The following BASP1 variants were observed in gnomAD, a reference collection of about 807,000 sequenced individuals.
BASP1 encodes the protein brain abundant membrane attached signal protein 1.
Under a neutral mutation model 2.2 loss-of-function variants are expected in BASP1, and 1 was observed. That is an observed-to-expected ratio of 0.46 (90% CI 0.16 to 2.17). The LOEUF (loss-of-function observed/expected upper bound fraction) is 2.17, where lower values mean the gene tolerates loss of function less well. Among genes scored for constraint, BASP1 ranks in the 30% most tolerant of loss-of-function variants. The pLI is 0.27. For synonymous variants in BASP1, 187 were observed against 154.2 expected, an observed-to-expected ratio of 1.21 and a Z score of -1.58; for missense variants, 352 against 327.2, an observed-to-expected ratio of 1.08 and a Z score of -0.58.
intron 1 of BASP1, among the ~76,000 whole-genome samples, chr5:17,246,403 G>A (rs1489972888): frequency 2.6e-5 from 4 of 152,046 alleles, no homozygotes; most frequent in East Asian, 3.9e-4. Context: ...CAGGAGAATC[G>A]CTTGAACCTG....
At chr5:17,252,092 G>A (rs775090513) in intron 1 of BASP1, among the ~76,000 whole-genome samples, 1 of 152,208 alleles carries the variant, frequency 6.6e-6, no homozygotes, top group Non-Finnish European at 1.5e-5. Context: ...GAGGGCAGAG[G>A]AGAGGAGCTT....
intron 1 of BASP1, among the ~76,000 whole-genome samples, chr5:17,250,771 A>AT (rs1368349181): frequency 6.6e-6 from 1 of 151,982 alleles, no homozygotes; most frequent in Non-Finnish European, 1.5e-5. Flanking sequence ...TGCCCGGCTA[A>AT]TTTGTTGTAT....
chr5:17,234,393 T>A (rs113992264), intron 1 of BASP1, among the ~76,000 whole-genome samples: 3 of 151,936 alleles, frequency 2.0e-5, no homozygotes, highest in African/African-American at 4.8e-5. Flanking sequence ...AAAAAAAAAA[T>A]TATATAGTTA....
intron 1 of BASP1, among the ~76,000 whole-genome samples, chr5:17,238,663 C>T (rs983332689): frequency 1.1e-4 from 17 of 152,278 alleles, no homozygotes; most frequent in Middle Eastern, 3.4e-3. Context: ...CCATCTCTTC[C>T]CTAGTTTGTC....
intron 1 of BASP1, among the ~76,000 whole-genome samples, chr5:17,268,123 T>G (rs1224568972): frequency 6.6e-6 from 1 of 152,104 alleles, no homozygotes; most frequent in Non-Finnish European, 1.5e-5. Flanking sequence ...TTTTACTGAT[T>G]AGGAAATTTG....
At chr5:17,269,018 CTTTATT>C (rs1740480712) in intron 1 of BASP1, among the ~76,000 whole-genome samples, 2 of 152,132 alleles carry the variant, frequency 1.3e-5, no homozygotes, top group Non-Finnish European at 2.9e-5. Flanking sequence ...TATGTTCATT[CTTTATT>C]TTTATTTATT....
intron 1 of BASP1, among the ~76,000 whole-genome samples, chr5:17,229,683 G>C (rs567115856): frequency 6.6e-6 from 1 of 152,200 alleles, no homozygotes; most frequent in Admixed American, 6.5e-5. Context: ...TGTCTACTCA[G>C]GCTGCCATAA....
chr5:17,231,157 A>G (rs1269731412), intron 1 of BASP1, among the ~76,000 whole-genome samples: 1 of 152,226 alleles, frequency 6.6e-6, no homozygotes, highest in Admixed American at 6.5e-5. Context: ...AGAATTTAAA[A>G]ATTTTAACTC....
At chr5:17,258,486 G>A (rs1415704015) in intron 1 of BASP1, among the ~76,000 whole-genome samples, 1 of 152,062 alleles carries the variant, frequency 6.6e-6, no homozygotes, top group African/African-American at 2.4e-5. Flanking sequence ...AATTATCTTG[G>A]GAAAGAGATA....
intron 1 of BASP1, among the ~76,000 whole-genome samples, chr5:17,237,041 A>G (rs1739761564): frequency 6.6e-6 from 1 of 152,084 alleles, no homozygotes. Context: ...TGATGGAGGT[A>G]TTGTAAAGAA....
intron 1 of BASP1, among the ~76,000 whole-genome samples, chr5:17,231,865 T>A (rs1739638555): frequency 6.6e-6 from 1 of 152,188 alleles, no homozygotes; most frequent in Non-Finnish European, 1.5e-5. Context: ...GCACCCCATG[T>A]CTGTTCAGTG....
intron 1 of BASP1, among the ~76,000 whole-genome samples, chr5:17,243,450 G>C (rs569055009): frequency 6.6e-6 from 1 of 152,202 alleles, no homozygotes; most frequent in East Asian, 1.9e-4. Context: ...CACCACGCCC[G>C]GCTCCCTCCA....
chr5:17,218,039 C>G (rs1372678712), intron 1 of BASP1, among the ~76,000 whole-genome samples: 1 of 150,476 alleles, frequency 6.6e-6, no homozygotes, highest in African/African-American at 2.4e-5. Flanking sequence ...TTCAGCCGCT[C>G]GCATGGTGGA....
intron 1 of BASP1, among the ~76,000 whole-genome samples, chr5:17,221,821 G>A (rs1739399141): frequency 6.6e-6 from 1 of 152,146 alleles, no homozygotes; most frequent in Admixed American, 6.5e-5. Context: ...TACTCTTTAT[G>A]TGTTTTGGGG....
intron 1 of BASP1, among the ~76,000 whole-genome samples, chr5:17,249,703 T>C (rs1449788616): frequency 6.6e-6 from 1 of 152,170 alleles, no homozygotes; most frequent in Admixed American, 6.5e-5. Context: ...CAATTTAGAC[T>C]CTATTTTTTT....
At chr5:17,248,726 G>A (rs191415927) in intron 1 of BASP1, among the ~76,000 whole-genome samples, 8 of 152,194 alleles carry the variant, frequency 5.3e-5, no homozygotes, top group East Asian at 3.9e-4. Flanking sequence ...CCTAAAACAC[G>A]CATATTTATG....
chr5:17,263,000 C>T (rs538098914), intron 1 of BASP1, among the ~76,000 whole-genome samples: 3 of 152,262 alleles, frequency 2.0e-5, no homozygotes, highest in Non-Finnish European at 4.4e-5. Context: ...GCACCCGCCA[C>T]CACGCCCGGC....
In BASP1 at chr5:17,238,830, T is replaced by C. The variant is rs141714498; in HGVS notation, c.-10+21020T>C. Among the ~76,000 whole-genome samples, 109 of 152,324 alleles carry C rather than the reference T, an allele frequency of 7.2e-4. 2 individuals carry two copies. The highest frequency in any genetic ancestry group is 2.5e-3 in the African/African-American group (104 of 41,562). On this transcript the variant is annotated intron_variant, in intron 1 of 1. Transcript: ENST00000322611. ...TCAAAGAATGTGTGGAATGTTCTTT[T>C]TGAGTGTCAGTTATTAATCATCTGT...
intron 1 of BASP1, among the ~76,000 whole-genome samples, chr5:17,261,031 A>C (rs192786856): frequency 6.6e-6 from 1 of 152,344 alleles, no homozygotes; most frequent in East Asian, 1.9e-4. Context: ...TTTTTTAAAA[A>C]TCTATTTTAT....
Sources: allele counts gnomAD v4.1 joint callset (sites outside exome capture counted in the v4.1 genomes callset), GRCh38; gene constraint gnomAD v4.1.1; transcripts MANE v1.5; gene names NCBI Gene and HGNC (gene_info 2026-07-23, HGNC 2026-07-21).